Variants in FAM3C observed in about 807,000 individuals in gnomAD.
FAM3C encodes protein FAM3C.
FAM3C carries 15 observed loss-of-function variants against 32.5 expected under a neutral mutation model. The ratio of observed to expected loss-of-function variants is 0.46; its 90% CI spans 0.31 to 0.71. The LOEUF is 0.71. Ranked by LOEUF, FAM3C falls within the 30% of genes least tolerant of loss-of-function variation. The pLI, the probability that FAM3C is intolerant of heterozygous loss-of-function variation, is 0.05. For synonymous variants in FAM3C, 75 were observed against 86.1 expected (o/e 0.87, Z 0.72); for missense variants, 175 against 274.4 (o/e 0.64, Z 2.56).
intron 8 of FAM3C, among the ~76,000 whole-genome samples, chr7:121,358,355 A>T (rs944532790): frequency 6.6e-6 from 1 of 152,078 alleles, no homozygotes; most frequent in South Asian, 2.1e-4. Context: ...AAAATCTATA[A>T]ATCTTGTAGT....
At chr7:121,391,995 C>A (rs369954757) in intron 1 of FAM3C, among the ~76,000 whole-genome samples, 5 of 152,188 alleles carry the variant, frequency 3.3e-5, no homozygotes, top group African/African-American at 4.8e-5. Context: ...ATCTAGGGGA[C>A]CTTCCAACAC....
At chr7:121,394,677 A>T (rs1794648693) in intron 1 of FAM3C, among the ~76,000 whole-genome samples, 1 of 152,228 alleles carries the variant, frequency 6.6e-6, no homozygotes, top group African/African-American at 2.4e-5. Context: ...TGTGAAACAA[A>T]GCTTCTAATA....
chr7:121,372,196 T>C, intron 3 of FAM3C, 57 bp from the exon 4 acceptor site: 3 of 1,188,534 alleles, frequency 2.5e-6, no homozygotes, highest in Non-Finnish European at 2.5e-6. Context: ...AAGTATCCAC[T>C]TTTAAAATAT....
intron 1 of FAM3C, among the ~76,000 whole-genome samples, chr7:121,391,784 G>A (rs1462696516): frequency 6.6e-6 from 1 of 152,186 alleles, no homozygotes; most frequent in Non-Finnish European, 1.5e-5. Flanking sequence ...AATTAGCACT[G>A]CTGAAGTAAA....
chr7:121,386,709 A>G (rs1794472003), intron 1 of FAM3C, among the ~76,000 whole-genome samples: 1 of 151,434 alleles, frequency 6.6e-6, no homozygotes, highest in African/African-American at 2.4e-5. Flanking sequence ...ATATATATAT[A>G]TATGTAATTG....
chr7:121,395,611 A>C (rs1007725290), intron 1 of FAM3C, among the ~76,000 whole-genome samples: 1 of 152,174 alleles, frequency 6.6e-6, no homozygotes, highest in Non-Finnish European at 1.5e-5. Context: ...CTGTGAGAGC[A>C]GTAGCAAACA....
chr7:121,354,831 A>G (rs1793777338), intron 8 of FAM3C, among the ~76,000 whole-genome samples: 2 of 152,180 alleles, frequency 1.3e-5, no homozygotes, highest in Admixed American at 1.3e-4. Flanking sequence ...ACAAACAGAA[A>G]AACTCTATAA....
At chr7:121,369,699 A>T (rs1323973353) in intron 5 of FAM3C, among the ~76,000 whole-genome samples, 1 of 152,164 alleles carries the variant, frequency 6.6e-6, no homozygotes. Context: ...AGGCTGAGGG[A>T]TAGAGAACAG....
At chr7:121,358,262 A>G (rs1793850292) in intron 8 of FAM3C, among the ~76,000 whole-genome samples, 1 of 152,124 alleles carries the variant, frequency 6.6e-6, no homozygotes, top group South Asian at 2.1e-4. Flanking sequence ...CTATAAAATA[A>G]TACATTTATA....
intron 7 of FAM3C, among the ~76,000 whole-genome samples, chr7:121,360,816 C>T (rs1440455486): frequency 6.6e-6 from 1 of 152,044 alleles, no homozygotes; most frequent in Admixed American, 6.6e-5. Flanking sequence ...GCCTGGTTGA[C>T]ACAGCAAGAC....
At chr7:121,360,489 T>C (rs1171873338) in intron 7 of FAM3C, among the ~76,000 whole-genome samples, 1 of 152,206 alleles carries the variant, frequency 6.6e-6, no homozygotes, top group African/African-American at 2.4e-5. Flanking sequence ...CTGGGGTCCA[T>C]GCATAAGCTT....
intron 5 of FAM3C, among the ~76,000 whole-genome samples, chr7:121,365,483 T>C (rs1427316240): frequency 6.6e-6 from 1 of 152,076 alleles, no homozygotes; most frequent in Non-Finnish European, 1.5e-5. Flanking sequence ...GTCTAGAACT[T>C]GAGTCTGCAA....
chr7:121,349,108 G>C lies in FAM3C; in HGVS notation c.*1353C>G, dbSNP rs2159720. 0.088 allele frequency: 13,439 copies of C among 152,038 alleles called. 1,990 individuals are homozygous for C. Among genetic ancestry groups the C allele is most frequent in the African/African-American group, 0.31 (12,670 of 41,152 alleles). The allele number at this position is 152,038 out of a possible 1,614,324, so 9.4% of individuals were successfully genotyped here. A position where few individuals can be genotyped will look rare whatever the true frequency, so the allele number is the denominator to read the frequency against. On this transcript the variant is annotated 3_prime_UTR_variant, in exon 10 of 10. Coordinates refer to ENST00000359943, the MANE Select transcript of FAM3C (RefSeq NM_014888.3). ...TACATTCAGTTTGAAGGAAGAAACAGTACTCCAAAGTTCATCAATATTTAA... is the reference window on the plus strand; with the variant it reads ...TACATTCAGTTTGAAGGAAGAAACACTACTCCAAAGTTCATCAATATTTAA...
At chr7:121,391,236 C>T (rs1440901632) in intron 1 of FAM3C, among the ~76,000 whole-genome samples, 1 of 152,146 alleles carries the variant, frequency 6.6e-6, no homozygotes, top group African/African-American at 2.4e-5. Flanking sequence ...TACAAAATGA[C>T]ATTCAGTTTT....
chr7:121,361,927 T>G (rs1793934312), intron 7 of FAM3C, among the ~76,000 whole-genome samples: 1 of 152,228 alleles, frequency 6.6e-6, no homozygotes, highest in Non-Finnish European at 1.5e-5. Flanking sequence ...TCTGCCTGCC[T>G]CGGCCTCCCG....
At chr7:121,393,958 A>T (rs1562895936) in intron 1 of FAM3C, among the ~76,000 whole-genome samples, 1 of 152,244 alleles carries the variant, frequency 6.6e-6, no homozygotes, top group South Asian at 2.1e-4. Context: ...GTCGCACAAA[A>T]ATCTATCTAG....
At chr7:121,375,544 A>G (rs187600209) in intron 3 of FAM3C, among the ~76,000 whole-genome samples, 1 of 152,350 alleles carries the variant, frequency 6.6e-6, no homozygotes, top group East Asian at 1.9e-4. Flanking sequence ...GGCAGATATC[A>G]GAGATGAGAA....
intron 3 of FAM3C, among the ~76,000 whole-genome samples, chr7:121,372,655 C>T (rs1052213923): frequency 6.6e-6 from 1 of 152,086 alleles, no homozygotes; most frequent in African/African-American, 2.4e-5. Flanking sequence ...TCAAGGAATC[C>T]ATGAGGTCAA....
chr7:121,381,233 G>A (rs531143632), intron 2 of FAM3C, among the ~76,000 whole-genome samples: 185 of 152,202 alleles, frequency 1.2e-3, no homozygotes, highest in Non-Finnish European at 2.1e-3. Flanking sequence ...TTTTTCACAA[G>A]CCAAGAAGTA....
Sources: allele counts gnomAD v4.1 joint callset (sites outside exome capture counted in the v4.1 genomes callset), GRCh38; gene constraint gnomAD v4.1.1; transcripts MANE v1.5; gene names NCBI Gene and HGNC (gene_info 2026-07-23, HGNC 2026-07-21).